The following CASP6 variants were observed in gnomAD, a reference collection of about 807,000 sequenced individuals.
CASP6 encodes caspase 6, also known as caspase-6.
Under a neutral mutation model 31.8 loss-of-function variants are expected in CASP6, and 20 were observed. That is an observed-to-expected ratio of 0.63 (90% CI 0.44 to 0.91). CASP6 has a LOEUF of 0.91. Among genes scored for constraint, CASP6 ranks in the 40% least tolerant of loss-of-function variants. The pLI is 0.00. For synonymous variants in CASP6, 130 were observed against 127.8 expected (o/e 1.02, Z -0.12); for missense variants, 328 against 361.1 (o/e 0.91, Z 0.74).
chr4:109,669,160 C>A, the CASP6 span, among the ~76,000 whole-genome samples: 1 of 152,078 alleles, frequency 6.6e-6, no homozygotes, highest in Non-Finnish European at 1.5e-5. Context: ...CAACCTATAT[C>A]ATCTTGCTTT....
At chr4:109,678,798 G>A in the CASP6 span, among the ~76,000 whole-genome samples, 1 of 149,296 alleles carries the variant, frequency 6.7e-6, no homozygotes, top group African/African-American at 2.5e-5. Context: ...TGGCCGGGCA[G>A]AGGCGCTCCT....
the CASP6 span, among the ~76,000 whole-genome samples, chr4:109,681,260 G>A: frequency 6.6e-6 from 1 of 152,128 alleles, no homozygotes; most frequent in African/African-American, 2.4e-5. Context: ...GTTGTGACAA[G>A]TCAAAGGAAA....
downstream of CASP6, chr4:109,685,031 T>A: frequency 2.4e-6 from 1 of 415,946 alleles, no homozygotes; most frequent in Non-Finnish European, 4.2e-6. Flanking sequence ...TTATGTGTAA[T>A]TTCTCTTCCC....
chr4:109,673,653 T>A, the CASP6 span, among the ~76,000 whole-genome samples: 1 of 152,244 alleles, frequency 6.6e-6, no homozygotes, highest in African/African-American at 2.4e-5. Flanking sequence ...AAAAAGTTAT[T>A]TAAACTCCAT....
Position 109,689,499 on chromosome 4 carries a change from T to G in CASP6, c.713A>C (p.Lys238Thr). The G allele has an allele frequency of 1.2e-6, 2 of 1,614,202 alleles. No homozygotes were observed. Among genetic ancestry groups the G allele is most frequent in the Non-Finnish European group, 1.7e-6 (2 of 1,180,042 alleles). Residue 238 changes from lysine (K) to threonine (T), a missense_variant, in exon 7 of 7, where the codon AAA becomes ACA. Lys to Thr is a moderately conservative substitution (Grantham distance 78). Coordinates refer to ENST00000265164, the MANE Select transcript of CASP6 (RefSeq NM_001226.4). The part of the protein sequence containing the change: ...YIQDLCEMLG[K>T]YGSSLEFTEL... ...TGTGAACTCTAAGGAGGAGCCATAT[T>G]TTCCCAACATCTCACACAAATCTTG...
upstream of CASP6, among the ~76,000 whole-genome samples, chr4:109,706,131 TTATATATATATATATATATATATATATA>T: frequency 2.8e-5 from 1 of 36,098 alleles, no homozygotes; most frequent in East Asian, 7.1e-4. Flanking sequence ...CCTATCCATT[TTATATATATATATATATATATATATATA>T]TATATATATA....
the CASP6 span, among the ~76,000 whole-genome samples, chr4:109,681,251 T>C: frequency 2.0e-5 from 3 of 151,912 alleles, no homozygotes; most frequent in Non-Finnish European, 4.4e-5. Flanking sequence ...ATTTTTAGAG[T>C]TGTGACAAGT....
At chr4:109,670,726 A>G in the CASP6 span, among the ~76,000 whole-genome samples, 6 of 152,036 alleles carry the variant, frequency 3.9e-5, no homozygotes, top group Non-Finnish European at 5.9e-5. Flanking sequence ...CTCCAAAAAA[A>G]AAAAAGAAAA....
At chr4:109,683,595 T>G in the CASP6 span, among the ~76,000 whole-genome samples, 1 of 152,220 alleles carries the variant, frequency 6.6e-6, no homozygotes, top group Non-Finnish European at 1.5e-5. Context: ...TACATTCTTA[T>G]TTTATTCTCT....
the CASP6 span, among the ~76,000 whole-genome samples, chr4:109,678,292 G>A: frequency 7.9e-5 from 12 of 152,068 alleles, no homozygotes; most frequent in East Asian, 1.6e-3. Flanking sequence ...CGACAAAACC[G>A]CCATCATCAT....
chr4:109,696,332 G>T (rs1382307816), intron 4 of CASP6, 78 bp downstream of exon 4: 5 of 1,019,712 alleles, frequency 4.9e-6, no homozygotes, highest in Admixed American at 2.2e-5. Context: ...GTAATTACTT[G>T]TACCTGTCTT....
At chr4:109,671,679 A>G in the CASP6 span, among the ~76,000 whole-genome samples, 1 of 151,964 alleles carries the variant, frequency 6.6e-6, no homozygotes. Flanking sequence ...TTACTATCCT[A>G]CTCTGATACT....
upstream of CASP6, among the ~76,000 whole-genome samples, chr4:109,704,667 T>C (rs1214335967): frequency 1.3e-5 from 2 of 152,186 alleles, no homozygotes; most frequent in Admixed American, 6.5e-5. Flanking sequence ...CTGCATCAGG[T>C]TATCCAGATC....
At chr4:109,670,719 C>CAA in the CASP6 span, among the ~76,000 whole-genome samples, 4 of 125,122 alleles carry the variant, frequency 3.2e-5, no homozygotes, top group African/African-American at 8.6e-5. Context: ...ACTCTGTCTC[C>CAA]AAAAAAAAAA....
the CASP6 span, among the ~76,000 whole-genome samples, chr4:109,709,026 CTT>C: frequency 6.6e-6 from 1 of 152,120 alleles, no homozygotes; most frequent in Admixed American, 6.5e-5. Context: ...GCTTCAAACT[CTT>C]TGTTGTAAAA....
upstream of CASP6, among the ~76,000 whole-genome samples, chr4:109,707,172 T>C (rs188243226): frequency 1.6e-3 from 242 of 152,346 alleles, 1 homozygote; most frequent in Non-Finnish European, 2.6e-3. Context: ...TCATATGCAC[T>C]GGGAAACCAG....
At chr4:109,706,503 A>G (rs932512720), upstream of CASP6, among the ~76,000 whole-genome samples, 5 of 152,140 alleles carry the variant, frequency 3.3e-5, no homozygotes, top group Non-Finnish European at 7.4e-5. Context: ...AAATGACAAC[A>G]AAGGATTCAG....
chr4:109,685,415 T>TA, downstream of CASP6: 1 of 789,392 alleles, frequency 1.3e-6, no homozygotes, highest in South Asian at 1.5e-5. Flanking sequence ...GAGCCAGAAC[T>TA]TAGTATCAGG....
chr4:109,670,251 C>T, the CASP6 span, among the ~76,000 whole-genome samples: 1 of 152,022 alleles, frequency 6.6e-6, no homozygotes, highest in South Asian at 2.1e-4. Context: ...CTTAGAACTT[C>T]ACAAGTGCTT....
Sources: allele counts gnomAD v4.1 joint callset (sites outside exome capture counted in the v4.1 genomes callset), GRCh38; gene constraint gnomAD v4.1.1; transcripts MANE v1.5; gene names NCBI Gene and HGNC (gene_info 2026-07-23, HGNC 2026-07-21).